FRMPD1: variants seen among roughly 807,000 people sequenced by gnomAD.
FRMPD1 encodes the protein FERM and PDZ domain containing 1, also known as FERM and PDZ domain-containing protein 1.
In FRMPD1, 76 loss-of-function variants were observed where a neutral mutation model predicts 117.8. The observed-to-expected ratio is 0.65, with a 90% CI of 0.54 to 0.78. FRMPD1 has a LOEUF of 0.78. Among genes scored for constraint, FRMPD1 ranks in the 30% least tolerant of loss-of-function variants. The pLI is 0.00. For missense variants in FRMPD1, 1,786 were observed against 1,964.5 expected (o/e 0.91, Z 1.72); for synonymous variants, 783 against 770.4 (o/e 1.02, Z -0.27).
intron 1 of FRMPD1, among the ~76,000 whole-genome samples, chr9:37,679,991 A>C (rs1056707568): frequency 1.3e-5 from 2 of 151,972 alleles, no homozygotes; most frequent in Non-Finnish European, 2.9e-5. Context: ...CCTTTCCCAC[A>C]CCCTTTCTAG....
chr9:37,643,558 C>CTAG, the FRMPD1 span, among the ~76,000 whole-genome samples: 1 of 152,044 alleles, frequency 6.6e-6, no homozygotes, highest in Non-Finnish European at 1.5e-5. Context: ...TCATTTCTTT[C>CTAG]TAGTCTCTGC....
chr9:37,657,889 C>A (rs1414658215), intron 1 of FRMPD1, among the ~76,000 whole-genome samples: 1 of 151,932 alleles, frequency 6.6e-6, no homozygotes, highest in Non-Finnish European at 1.5e-5. Flanking sequence ...TTGGACCTAC[C>A]AACCCCCACC....
the FRMPD1 span, chr9:37,636,866 A>C: frequency 1.9e-5 from 30 of 1,611,192 alleles, no homozygotes; most frequent in Non-Finnish European, 2.4e-5. Context: ...GGGGATGCCC[A>C]AAGAGTCTGC....
At chr9:37,718,998 A>T (rs182195690) in intron 5 of FRMPD1, 71 bp from the exon 6 acceptor site, 52 of 892,010 alleles carry the variant, frequency 5.8e-5, no homozygotes, top group Admixed American at 5.4e-4. Flanking sequence ...GTTTTTAAGA[A>T]ATGAGAAGAT....
chr9:37,659,915 T>TAAAAAAAA (rs36016239), intron 1 of FRMPD1, among the ~76,000 whole-genome samples: 1 of 103,612 alleles, frequency 9.7e-6, no homozygotes, highest in Non-Finnish European at 2.0e-5. Context: ...TTTCAAGCAC[T>TAAAAAAAA]AAAAAAAAAA....
chr9:37,616,930 C>T, the FRMPD1 span, among the ~76,000 whole-genome samples: 1 of 152,204 alleles, frequency 6.6e-6, no homozygotes, highest in South Asian at 2.1e-4. Context: ...TAGGGTTGAA[C>T]GACCCCTCTT....
chr9:37,660,452 G>A (rs1044706535), intron 1 of FRMPD1, among the ~76,000 whole-genome samples: 7 of 152,160 alleles, frequency 4.6e-5, no homozygotes, highest in African/African-American at 1.7e-4. Context: ...CGATGGAGCT[G>A]CACTGGAAGA....
intron 1 of FRMPD1, among the ~76,000 whole-genome samples, chr9:37,663,781 T>A (rs538528600): frequency 6.6e-6 from 1 of 152,250 alleles, no homozygotes; most frequent in Non-Finnish European, 1.5e-5. Context: ...AATGTTTGCA[T>A]ATAACCTATG....
At chr9:37,618,522 A>G in the FRMPD1 span, among the ~76,000 whole-genome samples, 1 of 152,146 alleles carries the variant, frequency 6.6e-6, no homozygotes, top group South Asian at 2.1e-4. Flanking sequence ...CCAGCCAAAA[A>G]TGCTTCCCCA....
At chr9:37,697,400 A>T (rs903216181) in intron 2 of FRMPD1, among the ~76,000 whole-genome samples, 1 of 146,170 alleles carries the variant, frequency 6.8e-6, no homozygotes, top group African/African-American at 2.5e-5. Flanking sequence ...CGTCTCTGCT[A>T]AAAAAAAAAC....
intron 15 of FRMPD1, among the ~76,000 whole-genome samples, chr9:37,743,003 G>A (rs1265804208): frequency 1.3e-5 from 2 of 152,238 alleles, no homozygotes; most frequent in Admixed American, 6.5e-5. Context: ...GACTTGATAA[G>A]GTTTCTAATA....
At chr9:37,730,946 A>G in intron 8 of FRMPD1, 38 bp from the exon 9 acceptor site, 1 of 1,609,850 alleles carries the variant, frequency 6.2e-7, no homozygotes, top group Non-Finnish European at 8.5e-7. Context: ...GGACAAAGGC[A>G]GTTAGGAGAT....
upstream of FRMPD1, among the ~76,000 whole-genome samples, chr9:37,648,397 G>A (rs981833728): frequency 1.3e-4 from 20 of 152,156 alleles, no homozygotes; most frequent in Non-Finnish European, 2.9e-4. Context: ...GTGGATTCAC[G>A]TGATGCTAAG....
chr9:37,686,547 C>G (rs1821955589), intron 1 of FRMPD1, among the ~76,000 whole-genome samples: 1 of 152,308 alleles, frequency 6.6e-6, no homozygotes, highest in East Asian at 1.9e-4. Flanking sequence ...CTGCTCAGAC[C>G]TTGCTGAGTC....
the FRMPD1 span, among the ~76,000 whole-genome samples, chr9:37,612,629 C>T: frequency 6.5e-3 from 994 of 151,916 alleles, 9 homozygotes; most frequent in African/African-American, 0.023. Flanking sequence ...AGCGATTCCC[C>T]TGCCTCAGCC....
chr9:37,628,725 G>A, the FRMPD1 span, among the ~76,000 whole-genome samples: 1 of 152,300 alleles, frequency 6.6e-6, no homozygotes, highest in Non-Finnish European at 1.5e-5. Flanking sequence ...GAGGAGAAGG[G>A]ACTTAGGCCT....
intron 1 of FRMPD1, among the ~76,000 whole-genome samples, chr9:37,690,396 AT>A (rs141858991): frequency 0.15 from 22,455 of 151,628 alleles, 1,795 homozygotes; most frequent in Middle Eastern, 0.19. Context: ...ATAGATTGAA[AT>A]TTTTTTTCTT....
chr9:37,651,845 T>G (rs952643107), intron 1 of FRMPD1, among the ~76,000 whole-genome samples: 1 of 152,254 alleles, frequency 6.6e-6, no homozygotes, highest in African/African-American at 2.4e-5. Flanking sequence ...CTCTTTCAGC[T>G]GTAAACTCTG....
Position 37,659,929 on chromosome 9 carries a change from A to C in FRMPD1, c.-5+8835A>C, listed in dbSNP as rs868603962. Among the ~76,000 whole-genome samples, 36 of 150,344 alleles carry C rather than the reference A, an allele frequency of 2.4e-4. 3 individuals carry two copies. Among genetic ancestry groups the C allele is most frequent in the South Asian group, 1.1e-3 (5 of 4,718 alleles). On this transcript the variant is annotated intron_variant, in intron 1 of 15. Coordinates refer to ENST00000377765, the MANE Select transcript of FRMPD1 (RefSeq NM_014907.3). ...TTTTCAAGCACTAAAAAAAAAAAAA[A>C]AAAAACAAAACTGAGGGGCAAGCAG...
Sources: gnomAD v4.1 joint callset for allele counts (sites outside exome capture counted in the v4.1 genomes callset) on GRCh38, gnomAD v4.1.1 for gene constraint, MANE v1.5 for transcripts, NCBI Gene and HGNC (gene_info 2026-07-23, HGNC 2026-07-21) for gene names.